Variants in SYNCRIP observed in about 807,000 individuals in gnomAD.
The protein encoded by SYNCRIP is heterogeneous nuclear ribonucleoprotein Q.
A neutral mutation model predicts 68.9 loss-of-function variants in SYNCRIP; 9 were observed. The observed-to-expected ratio is 0.13, with a 90% CI of 0.08 to 0.23. SYNCRIP has a LOEUF of 0.23. Ranked by LOEUF, SYNCRIP falls within the 10% of genes least tolerant of loss-of-function variation. SYNCRIP has a pLI of 1.00. For synonymous variants in SYNCRIP, 258 were observed against 254.0 expected (o/e 1.02, Z -0.15); for missense variants, 414 against 770.6 (o/e 0.54, Z 5.48).
intron 6 of SYNCRIP, among the ~76,000 whole-genome samples, chr6:85,626,287 C>G (rs1807022827): frequency 2.0e-5 from 3 of 152,188 alleles, no homozygotes; most frequent in African/African-American, 4.8e-5. Context: ...TTCTTATAAT[C>G]TAGCATCAAG....
At chr6:85,629,757 G>A (rs1450586895) in intron 6 of SYNCRIP, among the ~76,000 whole-genome samples, 2 of 152,032 alleles carry the variant, frequency 1.3e-5, no homozygotes, top group Non-Finnish European at 2.9e-5. Context: ...GGGAGGCGGA[G>A]GCTGCAGTGA....
In SYNCRIP at chr6:85,636,949, G is replaced by GA; in HGVS notation, c.666+17dup. ...GACAGTGAACGTGAAAACTGAAGGGGAAAAAAGGACAACTTACCAGTTTAA... is the reference window on the plus strand; with the variant it reads ...GACAGTGAACGTGAAAACTGAAGGGGAAAAAAAGGACAACTTACCAGTTTAA... On this transcript the variant is annotated intron_variant, in intron 6 of 10. Transcript: ENST00000369622. 1 of 1,569,484 alleles carries GA rather than the reference G, an allele frequency of 6.4e-7. No individual in the cohort carries two copies. Among genetic ancestry groups the GA allele is most frequent in the South Asian group, 1.2e-5 (1 of 82,900 alleles).
At chr6:85,631,579 G>A (rs959486933) in intron 6 of SYNCRIP, among the ~76,000 whole-genome samples, 1 of 152,186 alleles carries the variant, frequency 6.6e-6, no homozygotes, top group South Asian at 2.1e-4. Context: ...TGGTACCTTA[G>A]ACTAACTAGG....
chr6:85,627,095 G>A (rs894978455), intron 6 of SYNCRIP, among the ~76,000 whole-genome samples: 6 of 151,862 alleles, frequency 4.0e-5, no homozygotes, highest in East Asian at 1.9e-4. Flanking sequence ...GTGAAACGCC[G>A]TCTCTACTAA....
intron 6 of SYNCRIP, among the ~76,000 whole-genome samples, chr6:85,629,376 T>C (rs1422353811): frequency 6.6e-6 from 1 of 152,136 alleles, no homozygotes; most frequent in East Asian, 1.9e-4. Context: ...CTAAACACAC[T>C]ATTTGCTAAA....
Position 85,622,466 on chromosome 6 carries a change from A to G in SYNCRIP, c.1008+16T>C. 6.2e-7 allele frequency: 1 copy of G among 1,612,376 alleles called. No homozygotes were observed. The highest frequency in any genetic ancestry group is 8.5e-7 in the Non-Finnish European group (1 of 1,179,146). On this transcript the variant is annotated intron_variant, in intron 8 of 10. Coordinates refer to ENST00000369622, the MANE Select transcript of SYNCRIP (RefSeq NM_006372.5). ...ATTAATCCCTCAAAAAATATTTTTA[A>G]CTTGACTATCATTACCTTTGCCATA...
intron 4 of SYNCRIP, among the ~76,000 whole-genome samples, chr6:85,639,853 TG>T (rs1808921609): frequency 6.6e-6 from 1 of 152,132 alleles, no homozygotes; most frequent in Non-Finnish European, 1.5e-5. Flanking sequence ...CTAAATTCAT[TG>T]GGGTTTGAGA....
chr6:85,633,677 A>T (rs1461609909), intron 6 of SYNCRIP, among the ~76,000 whole-genome samples: 1 of 152,070 alleles, frequency 6.6e-6, no homozygotes, highest in Non-Finnish European at 1.5e-5. Context: ...TACCATTGGA[A>T]ATTTTTTTTT....
chr6:85,636,929 T>G (rs758799621), intron 6 of SYNCRIP, 38 bp downstream of exon 6: 1 of 1,548,894 alleles, frequency 6.5e-7, no homozygotes, highest in African/African-American at 1.4e-5. Context: ...TTAAAGACAG[T>G]GAACGTGAAA....
chr6:85,629,890 A>C lies in SYNCRIP; in HGVS notation c.667-5778T>G, dbSNP rs1187004112. On this transcript the variant is annotated intron_variant, in intron 6 of 10. Coordinates refer to ENST00000369622, the MANE Select transcript of SYNCRIP (RefSeq NM_006372.5). ...TCCCAGCTACTCGGGAGGCCGAGGC[A>C]GCAGAATCTCCTGAACCCAGGAGAC... Among the ~76,000 whole-genome samples, 5 of 151,950 alleles carry C rather than the reference A, an allele frequency of 3.3e-5. No individual in the cohort carries two copies. In the South Asian group the frequency reaches 8.3e-4, roughly 25 times the overall value.
chr6:85,615,014 C>T lies in SYNCRIP; in HGVS notation c.1614G>A (p.Ala538=), dbSNP rs758776306. ...GPGSARGVRG[A]RGGAQQQRGR... Reference sequence around the variant, plus strand: ...CTCTTTGTTGTTGGGCACCTCCTCTCGCACCTCGAACGCCTCTTGCTGATC... The same window carrying T: ...CTCTTTGTTGTTGGGCACCTCCTCTTGCACCTCGAACGCCTCTTGCTGATC... Residue 538 remains alanine, a synonymous_variant, in exon 11 of 11, where the codon GCG becomes GCA. Transcript: ENST00000369622. The T allele has an allele frequency of 6.8e-6, 11 of 1,613,748 alleles. No individual in the cohort carries two copies. Among genetic ancestry groups the T allele is most frequent in the East Asian group, 2.2e-5 (1 of 44,882 alleles).
At chr6:85,643,615 A>G (rs1057220601), upstream of SYNCRIP, 5 of 36,462 alleles carry the variant, frequency 1.4e-4, no homozygotes, top group African/African-American at 5.6e-4. Context: ...GCCCCACCCC[A>G]CCCCCTCCCC....
downstream of SYNCRIP, chr6:85,609,753 G>A (rs1232911485): frequency 6.6e-6 from 1 of 151,816 alleles, no homozygotes; most frequent in African/African-American, 2.4e-5. Flanking sequence ...CGTCTGTTTT[G>A]GTTAGATAAC....
chr6:85,635,123 C>T (rs1331212931), intron 6 of SYNCRIP, among the ~76,000 whole-genome samples: 3 of 152,096 alleles, frequency 2.0e-5, no homozygotes, highest in African/African-American at 7.2e-5. Flanking sequence ...CAAGATCATG[C>T]CCACACACTC....
chr6:85,620,256 C>CA (rs1358905312), intron 8 of SYNCRIP, among the ~76,000 whole-genome samples: 1 of 151,942 alleles, frequency 6.6e-6, no homozygotes, highest in Admixed American at 6.6e-5. Context: ...AAAAGAAAAA[C>CA]AAAAAAATTT....
At chr6:85,620,517 A>C (rs1562082931) in intron 8 of SYNCRIP, among the ~76,000 whole-genome samples, 1 of 152,238 alleles carries the variant, frequency 6.6e-6, no homozygotes, top group East Asian at 1.9e-4. Context: ...GGGAGGGATG[A>C]CTAAGCACAG....
At position 85,622,417 on chromosome 6, in the gene SYNCRIP, C is replaced by T. The variant is rs1006119220; in HGVS notation, c.1008+65G>A. ...TATACTGTTCATTTTATGTTCCCCC[C>T]ACCCCAACCCCGGCCCTTCTCCCAT... On this transcript the variant is annotated intron_variant, in intron 8 of 10. Coordinates refer to ENST00000369622, the MANE Select transcript of SYNCRIP (RefSeq NM_006372.5). The T allele has an allele frequency of 5.0e-6, 7 of 1,403,378 alleles. No individual in the cohort carries two copies. The Admixed American group carries it at 5.3e-5, about 11-fold the overall frequency. The allele number at this position is 1,403,378 out of a possible 1,614,324, so 86.9% of individuals were successfully genotyped here. A position where few individuals can be genotyped will look rare whatever the true frequency, so the allele number is the denominator to read the frequency against.
chr6:85,633,787 G>A (rs1808113164), intron 6 of SYNCRIP, among the ~76,000 whole-genome samples: 1 of 151,990 alleles, frequency 6.6e-6, no homozygotes, highest in African/African-American at 2.4e-5. Context: ...TGGGACCACA[G>A]GTGCACGCTG....
chr6:85,627,422 G>A (rs909765776), intron 6 of SYNCRIP, among the ~76,000 whole-genome samples: 2 of 151,988 alleles, frequency 1.3e-5, no homozygotes, highest in Admixed American at 1.3e-4. Flanking sequence ...TAACATTTCC[G>A]GAAGCAACAC....
Sources: gnomAD v4.1 joint callset for allele counts (sites outside exome capture counted in the v4.1 genomes callset) on GRCh38, gnomAD v4.1.1 for gene constraint, MANE v1.5 for transcripts, NCBI Gene and HGNC (gene_info 2026-07-23, HGNC 2026-07-21) for gene names.